Variants in KCTD16 observed in about 807,000 individuals in gnomAD.
KCTD16 encodes BTB/POZ domain-containing protein KCTD16.
A neutral mutation model predicts 33.2 loss-of-function variants in KCTD16; 13 were observed. That is an observed-to-expected ratio of 0.39 (90% CI 0.25 to 0.62). The LOEUF is 0.62. Among genes scored for constraint, KCTD16 ranks in the 20% least tolerant of loss-of-function variants. The pLI, the probability that KCTD16 is intolerant of heterozygous loss-of-function variation, is 0.50. For missense variants in KCTD16, 441 were observed against 525.1 expected, an observed-to-expected ratio of 0.84 and a Z score of 1.57; for synonymous variants, 197 against 195.3, an observed-to-expected ratio of 1.01 and a Z score of -0.07.
chr5:144,195,075 C>T (rs906176067), intron 2 of KCTD16, among the ~76,000 whole-genome samples: 1 of 152,124 alleles, frequency 6.6e-6, no homozygotes, highest in African/African-American at 2.4e-5. Context: ...TTCCCCAGAC[C>T]CTCAGGATAT....
intron 3 of KCTD16, among the ~76,000 whole-genome samples, chr5:144,456,052 G>T (rs1754053657): frequency 6.6e-6 from 1 of 152,088 alleles, no homozygotes; most frequent in South Asian, 2.1e-4. Flanking sequence ...TCTTCTACTT[G>T]TAGCTATAAA....
chr5:144,277,982 CTT>C (rs745462354), intron 3 of KCTD16, among the ~76,000 whole-genome samples: 8 of 152,154 alleles, frequency 5.3e-5, no homozygotes, highest in Non-Finnish European at 8.8e-5. Flanking sequence ...TGTAGCTAGT[CTT>C]TTCATTTGCT....
intron 3 of KCTD16, among the ~76,000 whole-genome samples, chr5:144,402,191 G>T (rs79540719): frequency 0.013 from 1,970 of 152,276 alleles, 52 homozygotes; most frequent in African/African-American, 0.046. Flanking sequence ...CTCTTCTTCT[G>T]CCAACTGGAT....
chr5:144,367,609 T>A (rs968006733), intron 3 of KCTD16, among the ~76,000 whole-genome samples: 2 of 152,094 alleles, frequency 1.3e-5, no homozygotes, highest in Non-Finnish European at 2.9e-5. Flanking sequence ...CACTATTTCT[T>A]GCCAAATATC....
chr5:144,341,433 C>T (rs1319779722), intron 3 of KCTD16, among the ~76,000 whole-genome samples: 1 of 152,120 alleles, frequency 6.6e-6, no homozygotes, highest in African/African-American at 2.4e-5. Flanking sequence ...CATGCCTGAC[C>T]TCAGCTTATC....
chr5:144,365,546 T>C (rs1751814173), intron 3 of KCTD16, among the ~76,000 whole-genome samples: 1 of 152,192 alleles, frequency 6.6e-6, no homozygotes, highest in Admixed American at 6.5e-5. Flanking sequence ...ACATGCATCT[T>C]CAGGAACAAA....
At chr5:144,409,242 G>A (rs998795173) in intron 3 of KCTD16, among the ~76,000 whole-genome samples, 1 of 152,202 alleles carries the variant, frequency 6.6e-6, no homozygotes, top group South Asian at 2.1e-4. Context: ...ATTTGAAGCC[G>A]ATTTCTGTGT....
intron 3 of KCTD16, among the ~76,000 whole-genome samples, chr5:144,308,108 G>A (rs893265400): frequency 6.6e-6 from 1 of 152,196 alleles, no homozygotes; most frequent in Admixed American, 6.5e-5. Flanking sequence ...TAAGATATGG[G>A]CTTGGTTGGG....
rs1023272480 is a variant in KCTD16 at position 144,363,474 on chromosome 5, C to G, written c.833-110186C>G. On this transcript the variant is annotated intron_variant, in intron 3 of 3. Coordinates refer to ENST00000512467, the MANE Select transcript of KCTD16 (RefSeq NM_020768.4). The stretch of plus-strand genomic sequence containing the variant: ...ATCACCGTCCTTCTGCTTATGGTGG[C>G]CCCATTTTAGTGACTGGAGCTCTCT... Among the ~76,000 whole-genome samples, 10 of 152,006 alleles carry G rather than the reference C, an allele frequency of 6.6e-5. 1 individual carries two copies. The highest frequency in any genetic ancestry group is 3.3e-4 in the Admixed American group (5 of 15,256).
intron 2 of KCTD16, among the ~76,000 whole-genome samples, chr5:144,184,983 T>C (rs917224934): frequency 2.6e-4 from 39 of 152,228 alleles, no homozygotes; most frequent in Non-Finnish European, 2.4e-4. Context: ...GTAATAAATA[T>C]AAAATAATAA....
chr5:144,433,198 CT>C (rs1002116595), intron 3 of KCTD16, among the ~76,000 whole-genome samples: 49 of 152,144 alleles, frequency 3.2e-4, no homozygotes, highest in African/African-American at 1.1e-3. Context: ...AATTACTTGG[CT>C]TTTTTGGCCA....
chr5:144,307,792 G>A lies in KCTD16; in HGVS notation c.832+100246G>A, dbSNP rs764901177. Among the ~76,000 whole-genome samples the A allele has an allele frequency of 4.8e-4, 73 of 152,178 alleles. 1 individual carries two copies. Among genetic ancestry groups the A allele is most frequent in the Non-Finnish European group, 8.1e-4 (55 of 68,024 alleles). On this transcript the variant is annotated intron_variant, in intron 3 of 3. Coordinates refer to ENST00000512467, the MANE Select transcript of KCTD16 (RefSeq NM_020768.4). Reference sequence around the variant, plus strand: ...ATGGACTGTTGTTGCTGCTGCTGCCGCTGCTACTACTAACTTCTTTCTGAA... The same window carrying A: ...ATGGACTGTTGTTGCTGCTGCTGCCACTGCTACTACTAACTTCTTTCTGAA...
intron 3 of KCTD16, among the ~76,000 whole-genome samples, chr5:144,427,452 T>G (rs1257734121): frequency 2.0e-5 from 3 of 152,164 alleles, no homozygotes; most frequent in African/African-American, 7.2e-5. Context: ...TTACATTCTC[T>G]GAGGAGGGAC....
intron 3 of KCTD16, among the ~76,000 whole-genome samples, chr5:144,260,808 T>A (rs1401927597): frequency 6.6e-6 from 1 of 152,164 alleles, no homozygotes; most frequent in African/African-American, 2.4e-5. Flanking sequence ...GCAATTAATG[T>A]CTTATATTTG....
chr5:144,215,283 G>A (rs546035656), intron 3 of KCTD16, among the ~76,000 whole-genome samples: 6 of 152,122 alleles, frequency 3.9e-5, no homozygotes, highest in Non-Finnish European at 8.8e-5. Context: ...AGCTGGATGT[G>A]ACCAGGGTTT....
chr5:144,213,513 C>T (rs1035485473), intron 3 of KCTD16, among the ~76,000 whole-genome samples: 16 of 151,916 alleles, frequency 1.1e-4, no homozygotes, highest in African/African-American at 3.9e-4. Context: ...TTTTGCTCAT[C>T]CATCTCTATG....
chr5:144,356,446 A>G (rs1751573641), intron 3 of KCTD16, among the ~76,000 whole-genome samples: 1 of 152,058 alleles, frequency 6.6e-6, no homozygotes, highest in Admixed American at 6.6e-5. Flanking sequence ...TCTAAATTTC[A>G]TTGTGCAAGG....
intron 3 of KCTD16, among the ~76,000 whole-genome samples, chr5:144,439,003 A>G (rs894848587): frequency 1.3e-5 from 2 of 151,804 alleles, no homozygotes; most frequent in Admixed American, 1.3e-4. Flanking sequence ...TGTGTCTTGC[A>G]CATGTTCCTT....
At chr5:144,262,219 G>C (rs2126840049) in intron 3 of KCTD16, among the ~76,000 whole-genome samples, 1 of 152,226 alleles carries the variant, frequency 6.6e-6, no homozygotes, top group South Asian at 2.1e-4. Context: ...GACTTTTAAA[G>C]TACTGAAAGA....
Sources: gnomAD v4.1 joint callset for allele counts (sites outside exome capture counted in the v4.1 genomes callset) on GRCh38, gnomAD v4.1.1 for gene constraint, MANE v1.5 for transcripts, NCBI Gene and HGNC (gene_info 2026-07-23, HGNC 2026-07-21) for gene names.